Variants in NLK observed in about 807,000 individuals in gnomAD.
The protein encoded by NLK is nemo like kinase.
Under a neutral mutation model 59.0 loss-of-function variants are expected in NLK, and 11 were observed. That is an observed-to-expected ratio of 0.19 (90% CI 0.12 to 0.31). The LOEUF is 0.31. Among genes scored for constraint, NLK ranks in the 10% least tolerant of loss-of-function variants. NLK has a pLI of 1.00. For synonymous variants in NLK, 235 were observed against 235.9 expected, an observed-to-expected ratio of 1.00 and a Z score of 0.03; for missense variants, 410 against 661.1, an observed-to-expected ratio of 0.62 and a Z score of 4.16.
chr17:28,109,817 T>C (rs1567716289), intron 1 of NLK, among the ~76,000 whole-genome samples: 1 of 152,222 alleles, frequency 6.6e-6, no homozygotes, highest in African/African-American at 2.4e-5. Flanking sequence ...TGGACATAAG[T>C]TTTCATTTCC....
chr17:28,047,434 A>G (rs1374307780), intron 1 of NLK, among the ~76,000 whole-genome samples: 1 of 152,246 alleles, frequency 6.6e-6, no homozygotes, highest in Non-Finnish European at 1.5e-5. Flanking sequence ...CTGTCAACTA[A>G]TTAAAAACAA....
At chr17:28,182,791 A>T in intron 7 of NLK, among the ~76,000 whole-genome samples, 1 of 152,058 alleles carries the variant, frequency 6.6e-6, no homozygotes, top group Non-Finnish European at 1.5e-5. Context: ...AAGTGGTATG[A>T]TGAAGCAGTG....
intron 1 of NLK, among the ~76,000 whole-genome samples, chr17:28,090,613 T>G (rs1312392705): frequency 6.6e-6 from 1 of 152,078 alleles, no homozygotes; most frequent in African/African-American, 2.4e-5. Flanking sequence ...TCCCAACACT[T>G]TGGGAGGCCG....
rs750570222 is a variant in NLK at position 28,043,103 on chromosome 17, C to T, written c.230C>T (p.Ala77Val). 29 of 1,585,600 alleles carry T rather than the reference C, an allele frequency of 1.8e-5. No homozygotes were observed. The highest frequency in any genetic ancestry group is 4.6e-5 in the East Asian group (2 of 43,168). Residue 77 changes from alanine (A) to valine (V), a missense_variant, in exon 1 of 11, where the codon GCA becomes GTA. Ala to Val is a moderately conservative substitution (Grantham distance 64, BLOSUM62 0). This residue lies in a region of NLK where 160 missense variants were observed against 171.0 expected (regional missense o/e 0.94). Transcript: ENST00000407008. ...HTSSAAAAAA[A>V]AAAAAAMLNP... ...TCTTCGGCAGCTGCGGCAGCCGCAG[C>T]AGCGGCTGCAGCTGCAGCCATGTTA...
At chr17:28,132,734 T>C in intron 3 of NLK, 59 bp downstream of exon 3, 1 of 1,404,616 alleles carries the variant, frequency 7.1e-7, no homozygotes, top group Non-Finnish European at 9.9e-7. Flanking sequence ...TTTGTTCTTC[T>C]AGCACCTTTT....
At chr17:28,181,188 C>T (rs552125767) in intron 7 of NLK, among the ~76,000 whole-genome samples, 3 of 152,124 alleles carry the variant, frequency 2.0e-5, no homozygotes, top group East Asian at 1.9e-4. Context: ...TGCCTGAGCT[C>T]GGGAGTTCGA....
chr17:28,121,326 AAATAAATTGGACAGG>A lies in NLK; in HGVS notation c.459-1268_459-1254del, dbSNP rs202082747. ...GAGAATGTTAGGCAGGAATCTAGCT[AAATAAATTGGACAGG>A]AATAAATTCTACCAGAACAACCAAT... On this transcript the variant is annotated intron_variant, in intron 1 of 10. Coordinates refer to ENST00000407008, the MANE Select transcript of NLK (RefSeq NM_016231.5). Among the ~76,000 whole-genome samples the A allele has an allele frequency of 6.8e-3, 1,029 of 151,910 alleles. 8 individuals carry two copies. The highest frequency in any genetic ancestry group is 9.5e-3 in the Non-Finnish European group (645 of 67,928).
At chr17:28,072,428 CA>C (rs1337068759) in intron 1 of NLK, among the ~76,000 whole-genome samples, 1 of 151,162 alleles carries the variant, frequency 6.6e-6, no homozygotes, top group African/African-American at 2.4e-5. Flanking sequence ...TGTGCTCAAG[CA>C]ATCCTCCAAC....
At chr17:28,188,496 G>A (rs927135657) in intron 8 of NLK, among the ~76,000 whole-genome samples, 3 of 152,132 alleles carry the variant, frequency 2.0e-5, no homozygotes, top group Admixed American at 1.3e-4. Context: ...GTGTGTTTGT[G>A]TGTCAGGGTC....
At position 28,055,203 on chromosome 17, in the gene NLK, C is replaced by T. The variant is rs1326392143; in HGVS notation, c.458+11872C>T. Among the ~76,000 whole-genome samples the T allele has an allele frequency of 2.7e-5, 4 of 149,824 alleles. No individual in the cohort carries two copies. The Admixed American group carries it at 2.7e-4, about 10-fold the overall frequency. On this transcript the variant is annotated intron_variant, in intron 1 of 10. Transcript: ENST00000407008. ...TGCCTCTCGGGTTCAAGCAATTCTT[C>T]TGCCTCATCTTCCCGAGTAGCTGGG...
chr17:28,199,324 A>G (rs1167964665), downstream of NLK, among the ~76,000 whole-genome samples: 1 of 152,168 alleles, frequency 6.6e-6, no homozygotes, highest in Non-Finnish European at 1.5e-5. Context: ...GACACCAGGC[A>G]CAGTGGTGTG....
intron 7 of NLK, among the ~76,000 whole-genome samples, chr17:28,173,802 A>C (rs1908565382): frequency 6.6e-6 from 1 of 152,214 alleles, no homozygotes; most frequent in African/African-American, 2.4e-5. Context: ...CTAATTTACT[A>C]ATGCCTCTTG....
At chr17:28,142,418 A>G (rs1907041493) in intron 3 of NLK, among the ~76,000 whole-genome samples, 1 of 152,248 alleles carries the variant, frequency 6.6e-6, no homozygotes, top group African/African-American at 2.4e-5. Context: ...CATGCTTCAG[A>G]AAAGGTCAGT....
chr17:28,186,072 A>T (rs1909104282), intron 8 of NLK, among the ~76,000 whole-genome samples: 1 of 152,242 alleles, frequency 6.6e-6, no homozygotes, highest in Non-Finnish European at 1.5e-5. Context: ...AGAAGACTTA[A>T]AAATGGAAGC....
chr17:28,202,457 G>C, the NLK span, among the ~76,000 whole-genome samples: 1 of 150,580 alleles, frequency 6.6e-6, no homozygotes, highest in Admixed American at 6.6e-5. Flanking sequence ...CAAAGTGCTG[G>C]GATTACAGGC....
intron 1 of NLK, among the ~76,000 whole-genome samples, chr17:28,111,021 T>A (rs1905449652): frequency 6.6e-6 from 1 of 151,554 alleles, no homozygotes; most frequent in Non-Finnish European, 1.5e-5. Flanking sequence ...ATTTTTTGTA[T>A]TTTTAGTAGA....
rs571081053 is a variant in NLK, at chr17:28,133,873, A to G, written c.644+1198A>G. Among the ~76,000 whole-genome samples, 4 of 152,232 alleles carry G rather than the reference A, an allele frequency of 2.6e-5. No individual in the cohort carries two copies. The South Asian group carries it at 8.3e-4, about 32-fold the overall frequency. ...GTTGGTAATTCCATATGAGATTGTT[A>G]TCTTTGATAACTTCCTAGAAAATAG... On this transcript the variant is annotated intron_variant, in intron 3 of 10. Coordinates refer to ENST00000407008, the MANE Select transcript of NLK (RefSeq NM_016231.5).
At chr17:28,202,251 T>C in the NLK span, among the ~76,000 whole-genome samples, 1 of 152,088 alleles carries the variant, frequency 6.6e-6, no homozygotes, top group Non-Finnish European at 1.5e-5. Flanking sequence ...TTTTTAAAAA[T>C]TAGCTGGACA....
rs1228960546 is a variant in NLK at position 28,078,815 on chromosome 17, C to T, written c.458+35484C>T. Among the ~76,000 whole-genome samples, 24 of 152,162 alleles carry T rather than the reference C, an allele frequency of 1.6e-4. No individual in the cohort carries two copies. The East Asian group carries it at 3.7e-3, about 23-fold the overall frequency. On this transcript the variant is annotated intron_variant, in intron 1 of 10. Transcript: ENST00000407008. ...GAATAAAGTTCATCTGTAGTCCTAG[C>T]AAGGCATTAAAGGACCCTTAAAAAA...
Sources: gnomAD v4.1 joint callset for allele counts (sites outside exome capture counted in the v4.1 genomes callset) on GRCh38, gnomAD v4.1.1 for gene constraint, gnomAD v4.1.1 regional missense constraint, MANE v1.5 for transcripts, NCBI Gene and HGNC (gene_info 2026-07-23, HGNC 2026-07-21) for gene names.